COG5: variants seen among roughly 807,000 people sequenced by gnomAD.
COG5 encodes conserved oligomeric Golgi complex subunit 5.
In COG5, 86 loss-of-function variants were observed where a neutral mutation model predicts 110.4. The ratio of observed to expected loss-of-function variants is 0.78; its 90% confidence interval spans 0.65 to 0.93. COG5 has a LOEUF of 0.93. Among genes scored for constraint, COG5 ranks in the 40% least tolerant of loss-of-function variants. The probability of loss-of-function intolerance (pLI) is 0.00; values close to 1 mark genes in which losing one functional copy is unlikely to be tolerated. For synonymous variants in COG5, 360 were observed against 334.6 expected (o/e 1.08, Z -0.83); for missense variants, 1,077 against 987.0 (o/e 1.09, Z -1.22).
intron 6 of COG5, among the ~76,000 whole-genome samples, chr7:107,463,342 T>C (rs572009363): frequency 6.6e-5 from 10 of 152,352 alleles, no homozygotes; most frequent in Admixed American, 2.6e-4. Context: ...TGGGAAATGG[T>C]TGAGTTCTCC....
intron 11 of COG5, among the ~76,000 whole-genome samples, chr7:107,317,617 A>C (rs1734102299): frequency 6.6e-6 from 1 of 152,236 alleles, no homozygotes; most frequent in African/African-American, 2.4e-5. Context: ...ATTTGCTAAT[A>C]AATCTTAAAG....
intron 7 of COG5, among the ~76,000 whole-genome samples, chr7:107,406,520 A>T (rs1791849369): frequency 6.6e-6 from 1 of 152,162 alleles, no homozygotes; most frequent in African/African-American, 2.4e-5. Flanking sequence ...ACCAAAGAAA[A>T]GTCAAACTTG....
At chr7:107,445,411 A>G (rs1189429241) in intron 6 of COG5, among the ~76,000 whole-genome samples, 1 of 152,222 alleles carries the variant, frequency 6.6e-6, no homozygotes, top group Non-Finnish European at 1.5e-5. Flanking sequence ...CATACCACCC[A>G]TAAAATACTT....
At chr7:107,299,115 T>A (rs971651102) in intron 11 of COG5, among the ~76,000 whole-genome samples, 1 of 152,020 alleles carries the variant, frequency 6.6e-6, no homozygotes, top group African/African-American at 2.4e-5. Context: ...ACTTCCATTT[T>A]AAGAATATGG....
intron 8 of COG5, among the ~76,000 whole-genome samples, chr7:107,367,113 G>A (rs1280675325): frequency 6.6e-6 from 1 of 151,648 alleles, no homozygotes; most frequent in Non-Finnish European, 1.5e-5. Context: ...TTCCAATTCA[G>A]TGGGGGAAGA....
intron 10 of COG5, among the ~76,000 whole-genome samples, chr7:107,353,870 T>G (rs190263583): frequency 1.3e-5 from 2 of 152,056 alleles, no homozygotes; most frequent in Admixed American, 1.3e-4. Flanking sequence ...CATGTGGGAT[T>G]TTTTTTCCCT....
At chr7:107,324,299 T>A (rs1809565595) in intron 11 of COG5, 141 bp downstream of exon 11, 1 of 592,040 alleles carries the variant, frequency 1.7e-6, no homozygotes, top group African/African-American at 1.9e-5. Flanking sequence ...ATTAAACATC[T>A]AGACAAAATA....
intron 6 of COG5, among the ~76,000 whole-genome samples, chr7:107,492,449 G>C (rs1432997771): frequency 6.6e-6 from 1 of 152,120 alleles, no homozygotes; most frequent in East Asian, 1.9e-4. Flanking sequence ...CTAAAACCAA[G>C]ATGTTTCCAT....
chr7:107,269,332 G>C (rs527667066), intron 14 of COG5, among the ~76,000 whole-genome samples: 1 of 151,968 alleles, frequency 6.6e-6, no homozygotes, highest in East Asian at 1.9e-4. Flanking sequence ...AAAATTAGCC[G>C]GGTGTGGTGG....
chr7:107,398,458 G>A (rs1791172905), intron 7 of COG5, among the ~76,000 whole-genome samples: 1 of 152,160 alleles, frequency 6.6e-6, no homozygotes, highest in African/African-American at 2.4e-5. Context: ...ATTCTCATAG[G>A]AGTGCGAACC....
At chr7:107,336,021 T>C (rs1409975861) in intron 10 of COG5, among the ~76,000 whole-genome samples, 1 of 152,058 alleles carries the variant, frequency 6.6e-6, no homozygotes, top group African/African-American at 2.4e-5. Flanking sequence ...ACAATAATAG[T>C]AGAGAACTTC....
At chr7:107,513,883 C>G (rs1453242265) in intron 6 of COG5, among the ~76,000 whole-genome samples, 3 of 150,860 alleles carry the variant, frequency 2.0e-5, no homozygotes, top group African/African-American at 7.4e-5. Flanking sequence ...GAACATCACA[C>G]TCCGGGGACT....
In COG5 at chr7:107,554,242, T is replaced by C. The variant is rs767606296; in HGVS notation, c.292+43A>G. On this transcript the variant is annotated intron_variant, in intron 3 of 21. Transcript: ENST00000297135. ...TAGCTTGCCAAAGCTTGCCAATCCC[T>C]GGTCTAGCTCTACATAATCTCTAGC... The C allele has an allele frequency of 7.6e-6, 12 of 1,573,884 alleles. No homozygotes were observed. In the African/African-American group the frequency reaches 1.5e-4, roughly 19 times the overall value.
At chr7:107,240,912 G>C (rs1418521207) in intron 17 of COG5, among the ~76,000 whole-genome samples, 1 of 152,140 alleles carries the variant, frequency 6.6e-6, no homozygotes, top group Admixed American at 6.5e-5. Context: ...CTGTATACAT[G>C]AATCTCAAAT....
intron 11 of COG5, among the ~76,000 whole-genome samples, chr7:107,322,470 C>G (rs1809391226): frequency 6.6e-6 from 1 of 151,888 alleles, no homozygotes; most frequent in South Asian, 2.1e-4. Context: ...TTGTAGCAGC[C>G]CAAATGAACT....
intron 19 of COG5, among the ~76,000 whole-genome samples, chr7:107,226,442 G>A (rs1018674890): frequency 1.3e-5 from 2 of 152,210 alleles, no homozygotes; most frequent in South Asian, 2.1e-4. Flanking sequence ...ACAAGATTTT[G>A]CAGGTAGGTA....
intron 18 of COG5, among the ~76,000 whole-genome samples, chr7:107,234,670 A>G (rs1438488156): frequency 6.6e-6 from 1 of 152,172 alleles, no homozygotes; most frequent in Non-Finnish European, 1.5e-5. Flanking sequence ...GAATGCAAAT[A>G]AGCTGGTAGG....
chr7:107,215,411 TA>T (rs1355810146), intron 19 of COG5, among the ~76,000 whole-genome samples: 2 of 152,182 alleles, frequency 1.3e-5, no homozygotes, highest in Admixed American at 1.3e-4. Flanking sequence ...CTCACGCCTG[TA>T]ATCCCAGCAC....
intron 17 of COG5, among the ~76,000 whole-genome samples, chr7:107,238,998 T>C (rs1801415513): frequency 6.6e-6 from 1 of 152,216 alleles, no homozygotes; most frequent in African/African-American, 2.4e-5. Flanking sequence ...GTAATCACAT[T>C]TGTCTATTTT....
Sources: allele counts gnomAD v4.1 joint callset (sites outside exome capture counted in the v4.1 genomes callset), GRCh38; gene constraint gnomAD v4.1.1; transcripts MANE v1.5; gene names NCBI Gene and HGNC (gene_info 2026-07-23, HGNC 2026-07-21).